Variants in SORCS1 observed in about 807,000 individuals in gnomAD.
SORCS1 encodes the protein VPS10 domain-containing receptor SorCS1.
In SORCS1, 60 loss-of-function variants were observed where a neutral mutation model predicts 146.1. That is an observed-to-expected ratio of 0.41 (90% CI 0.33 to 0.51). The LOEUF (loss-of-function observed/expected upper bound fraction) is 0.51, where lower values mean the gene tolerates loss of function less well. SORCS1 is among the 20% of genes least tolerant of loss of function. SORCS1 has a pLI of 0.21. For missense variants in SORCS1, 1,352 were observed against 1,487.6 expected, an observed-to-expected ratio of 0.91 and a Z score of 1.50; for synonymous variants, 637 against 584.0, an observed-to-expected ratio of 1.09 and a Z score of -1.31.
At chr10:106,929,666 TCGTC>T (rs1371078307) in intron 2 of SORCS1, among the ~76,000 whole-genome samples, 1 of 152,196 alleles carries the variant, frequency 6.6e-6, no homozygotes, top group Non-Finnish European at 1.5e-5. Flanking sequence ...AAATCAAACT[TCGTC>T]AACTTAAGCT....
chr10:106,735,838 T>C (rs1856907603), intron 5 of SORCS1, among the ~76,000 whole-genome samples: 1 of 152,216 alleles, frequency 6.6e-6, no homozygotes, highest in African/African-American at 2.4e-5. Flanking sequence ...TGAAAAGACT[T>C]CAGTCCTGGT....
chr10:107,170,874 G>A, the SORCS1 span, among the ~76,000 whole-genome samples: 3 of 152,196 alleles, frequency 2.0e-5, no homozygotes, highest in Non-Finnish European at 4.4e-5. Flanking sequence ...TCTGTCTTGT[G>A]CTGAGAGGCA....
intron 1 of SORCS1, among the ~76,000 whole-genome samples, chr10:106,962,043 G>C (rs1173872006): frequency 6.6e-6 from 1 of 152,188 alleles, no homozygotes; most frequent in Admixed American, 6.5e-5. Flanking sequence ...TTGGGGGGGT[G>C]TCAGTGGATT....
chr10:106,976,209 CTGTTT>C (rs1564877597), intron 1 of SORCS1, among the ~76,000 whole-genome samples: 1 of 146,498 alleles, frequency 6.8e-6, no homozygotes, highest in Admixed American at 6.8e-5. Flanking sequence ...GTTGCTTCAT[CTGTTT>C]TTTTTTTTTT....
chr10:106,684,007 C>T (rs112665994), intron 10 of SORCS1, among the ~76,000 whole-genome samples: 2,055 of 152,228 alleles, frequency 0.013, 59 homozygotes, highest in African/African-American at 0.047. Context: ...AAAACAGATT[C>T]TCCTGGGGCA....
chr10:107,121,076 G>T (rs756846429), intron 1 of SORCS1, among the ~76,000 whole-genome samples: 27 of 152,156 alleles, frequency 1.8e-4, no homozygotes, highest in African/African-American at 6.5e-4. Flanking sequence ...CTTTGGAGCC[G>T]AAGTCTTTAA....
At chr10:107,043,100 A>G (rs988086397) in intron 1 of SORCS1, among the ~76,000 whole-genome samples, 10 of 152,210 alleles carry the variant, frequency 6.6e-5, no homozygotes, top group African/African-American at 1.9e-4. Context: ...AAATTTTGTC[A>G]GAAGGAAAAA....
At chr10:106,983,290 T>C (rs1028642622) in intron 1 of SORCS1, among the ~76,000 whole-genome samples, 1 of 149,222 alleles carries the variant, frequency 6.7e-6, no homozygotes, top group African/African-American at 2.4e-5. Context: ...ATATTTCTAT[T>C]CTTAGAAATT....
intron 1 of SORCS1, among the ~76,000 whole-genome samples, chr10:106,970,718 A>G (rs752458727): frequency 4.0e-5 from 6 of 151,210 alleles, no homozygotes; most frequent in Non-Finnish European, 7.4e-5. Flanking sequence ...AAAAGACCGC[A>G]ATGCTTCTGA....
At chr10:107,139,313 A>T (rs77287557) in intron 1 of SORCS1, among the ~76,000 whole-genome samples, 3 of 152,196 alleles carry the variant, frequency 2.0e-5, no homozygotes, top group East Asian at 3.9e-4. Flanking sequence ...AGCCATGTTG[A>T]TATAAGATTG....
chr10:106,829,739 T>C (rs574080931), intron 2 of SORCS1, 66 bp from the exon 3 acceptor site: 2 of 1,213,644 alleles, frequency 1.6e-6, no homozygotes, highest in East Asian at 2.4e-5. Context: ...GTCAGTATAA[T>C]GCATGCTTTA....
At chr10:106,938,500 C>T (rs745711087) in intron 2 of SORCS1, among the ~76,000 whole-genome samples, 2 of 152,180 alleles carry the variant, frequency 1.3e-5, no homozygotes, top group Non-Finnish European at 1.5e-5. Flanking sequence ...CTAATCAGGA[C>T]GACCATGGAT....
At chr10:107,128,901 T>C (rs991228619) in intron 1 of SORCS1, among the ~76,000 whole-genome samples, 1 of 152,232 alleles carries the variant, frequency 6.6e-6, no homozygotes, top group African/African-American at 2.4e-5. Flanking sequence ...GAGACTCTGA[T>C]AAAAATACAT....
chr10:106,837,936 C>A (rs1948851800), intron 2 of SORCS1, among the ~76,000 whole-genome samples: 1 of 152,102 alleles, frequency 6.6e-6, no homozygotes, highest in South Asian at 2.1e-4. Flanking sequence ...CAATATTTAT[C>A]CCCATCTGAT....
intron 13 of SORCS1, 85 bp downstream of exon 13, chr10:106,677,228 C>T: frequency 7.9e-7 from 1 of 1,261,386 alleles, no homozygotes; most frequent in African/African-American, 1.5e-5. Context: ...CAGAAACAGA[C>T]ACGGTTTGAT....
intron 10 of SORCS1, among the ~76,000 whole-genome samples, chr10:106,681,856 G>A (rs59266340): frequency 6.6e-6 from 1 of 152,330 alleles, no homozygotes; most frequent in African/African-American, 2.4e-5. Context: ...GGCCGGGCAT[G>A]GTGGCTCACG....
At chr10:107,021,097 C>G (rs1316901550) in intron 1 of SORCS1, among the ~76,000 whole-genome samples, 1 of 152,060 alleles carries the variant, frequency 6.6e-6, no homozygotes, top group Admixed American at 6.5e-5. Context: ...GAATACACTG[C>G]ATGAAGCAAC....
rs60551348 is a variant in SORCS1 at position 106,924,270 on chromosome 10, A to AAAT, written c.626+32242_626+32243insATT. The stretch of plus-strand genomic sequence containing the variant: ...ACTCCATCTCAAAAAAAAAAAAAAA[A>AAAT]CTACCTTTTAATTAAAAACAATTTG... On this transcript the variant is annotated intron_variant, in intron 2 of 25. Coordinates refer to ENST00000263054, the MANE Select transcript of SORCS1 (RefSeq NM_052918.5). Among the ~76,000 whole-genome samples, 484 of 147,530 alleles carry AAAT rather than the reference A, an allele frequency of 3.3e-3. 8 individuals carry two copies. The highest frequency in any genetic ancestry group is 7.0e-3 in the Middle Eastern group (2 of 286).
intron 8 of SORCS1, among the ~76,000 whole-genome samples, chr10:106,704,080 A>T (rs1380029125): frequency 6.6e-6 from 1 of 152,162 alleles, no homozygotes; most frequent in African/African-American, 2.4e-5. Context: ...GTCAGCAGTG[A>T]TCTGTGTGAT....
Sources: gnomAD v4.1 joint callset for allele counts (sites outside exome capture counted in the v4.1 genomes callset) on GRCh38, gnomAD v4.1.1 for gene constraint, MANE v1.5 for transcripts, NCBI Gene and HGNC (gene_info 2026-07-23, HGNC 2026-07-21) for gene names.